The following ADAMTS17 variants were observed in gnomAD, a reference collection of about 807,000 sequenced individuals.
ADAMTS17 encodes the protein ADAM metallopeptidase with thrombospondin type 1 motif 17, also known as A disintegrin and metalloproteinase with thrombospondin motifs 17.
In ADAMTS17, 113 loss-of-function variants were observed where a neutral mutation model predicts 141.5. The ratio of observed to expected loss-of-function variants is 0.80; its 90% confidence interval spans 0.69 to 0.93. The LOEUF (loss-of-function observed/expected upper bound fraction) is 0.93. Among genes scored for constraint, ADAMTS17 ranks in the 40% least tolerant of loss-of-function variants. ADAMTS17 has a pLI of 0.00. For synonymous variants in ADAMTS17, 768 were observed against 630.6 expected (o/e 1.22, Z -3.27); for missense variants, 1,659 against 1,517.9 (o/e 1.09, Z -1.54).
intron 3 of ADAMTS17, among the ~76,000 whole-genome samples, chr15:100,301,966 A>G (rs970201278): frequency 6.6e-6 from 1 of 152,176 alleles, no homozygotes; most frequent in Non-Finnish European, 1.5e-5. Context: ...TAGCATATAC[A>G]GTTGTTTTCA....
In ADAMTS17 at chr15:100,007,450, C is replaced by T. The variant is rs138385088; in HGVS notation, c.2592-9861G>A. Among the ~76,000 whole-genome samples, 183 of 150,816 alleles carry T rather than the reference C, an allele frequency of 1.2e-3. 1 individual carries two copies. The highest frequency in any genetic ancestry group is 4.0e-3 in the African/African-American group (165 of 41,020). On this transcript the variant is annotated intron_variant, in intron 18 of 21. Coordinates refer to ENST00000268070, the MANE Select transcript of ADAMTS17 (RefSeq NM_139057.4). The stretch of plus-strand genomic sequence containing the variant: ...TTTTTTTGAGACGGAGATGGAGTTT[C>T]GCTGTTGTCACCCAGGCTGGAGTGC...
intron 7 of ADAMTS17, among the ~76,000 whole-genome samples, chr15:100,248,939 C>T (rs1315282254): frequency 6.6e-6 from 1 of 152,018 alleles, no homozygotes; most frequent in Non-Finnish European, 1.5e-5. Context: ...GCTGGCATTA[C>T]AGGTGCCCGC....
chr15:100,228,990 T>C (rs1466553081), intron 7 of ADAMTS17, among the ~76,000 whole-genome samples: 1 of 152,188 alleles, frequency 6.6e-6, no homozygotes, highest in Non-Finnish European at 1.5e-5. Flanking sequence ...AGGGAGCAAA[T>C]TGGATCATTC....
chr15:100,307,741 C>T (rs1207119331), intron 3 of ADAMTS17, among the ~76,000 whole-genome samples: 1 of 152,200 alleles, frequency 6.6e-6, no homozygotes, highest in Non-Finnish European at 1.5e-5. Context: ...CGTGCAGTGC[C>T]AGGTGTGGCT....
At chr15:100,087,584 C>A (rs1488044056) in intron 15 of ADAMTS17, among the ~76,000 whole-genome samples, 1 of 152,144 alleles carries the variant, frequency 6.6e-6, no homozygotes, top group African/African-American at 2.4e-5. Flanking sequence ...AAGCAAAAAT[C>A]CTCATTAAAA....
chr15:100,331,018 T>A lies in ADAMTS17; in HGVS notation c.487A>T (p.Ile163Phe), dbSNP rs2046035692. The change falls in exon 3 of 22, where the codon ATC (isoleucine) becomes TTC (phenylalanine). Residue 163 changes from isoleucine to phenylalanine, a missense_variant. Physicochemically the swap from Ile to Phe is conservative, Grantham distance 21. Transcript: ENST00000268070. ...CCCTGGGAGTTGTTGAGGGGCTGGA[T>A]TAGCACCTGCTCCTGCCCAAGCTGA... is the stretch of plus-strand genomic sequence containing the variant. ...LIQLGQEQVLIQPLNNSQGPF... is the reference protein window; with the variant it reads ...LIQLGQEQVLFQPLNNSQGPF... 1 of 1,613,996 alleles carries A rather than the reference T, an allele frequency of 6.2e-7. No homozygotes were observed.
intron 6 of ADAMTS17, among the ~76,000 whole-genome samples, chr15:100,259,866 CAG>C (rs1190890242): frequency 7.9e-5 from 12 of 152,242 alleles, no homozygotes; most frequent in Middle Eastern, 3.4e-3. Flanking sequence ...TCTTTTGAGA[CAG>C]AGTTTCACTC....
chr15:100,244,033 A>G (rs1169697132), intron 7 of ADAMTS17, among the ~76,000 whole-genome samples: 1 of 152,018 alleles, frequency 6.6e-6, no homozygotes, highest in African/African-American at 2.4e-5. Flanking sequence ...GGTTTAATGG[A>G]CTCACAGTTC....
At chr15:100,219,555 T>G (rs1010750577) in intron 7 of ADAMTS17, among the ~76,000 whole-genome samples, 5 of 152,152 alleles carry the variant, frequency 3.3e-5, no homozygotes, top group African/African-American at 9.7e-5. Context: ...AGATAGGGCT[T>G]CTTCTATCTC....
intron 18 of ADAMTS17, among the ~76,000 whole-genome samples, chr15:100,000,439 G>C (rs1331162448): frequency 1.3e-5 from 2 of 152,224 alleles, no homozygotes; most frequent in African/African-American, 4.8e-5. Context: ...ACATGGCCCA[G>C]ATGTGGCCTG....
At chr15:100,101,266 G>A (rs2036081837) in intron 14 of ADAMTS17, among the ~76,000 whole-genome samples, 1 of 118,874 alleles carries the variant, frequency 8.4e-6, no homozygotes, top group South Asian at 2.6e-4. Context: ...TCTCTCTATG[G>A]CACCATTTTC....
chr15:100,218,145 C>G (rs1344445637), intron 7 of ADAMTS17, among the ~76,000 whole-genome samples: 5 of 152,134 alleles, frequency 3.3e-5, no homozygotes, highest in African/African-American at 1.2e-4. Flanking sequence ...AGGGCTGGGA[C>G]TGCAGGCGTG....
intron 9 of ADAMTS17, 144 bp from the exon 10 acceptor site, chr15:100,152,906 A>T: frequency 1.6e-6 from 1 of 635,420 alleles, no homozygotes; most frequent in Non-Finnish European, 2.1e-6. Flanking sequence ...GGCACTGGAC[A>T]CACAGACTGC....
chr15:100,120,172 C>A (rs2037381511), intron 12 of ADAMTS17, among the ~76,000 whole-genome samples: 1 of 152,206 alleles, frequency 6.6e-6, no homozygotes, highest in African/African-American at 2.4e-5. Flanking sequence ...AGTTCTCCAT[C>A]CAGACAATAA....
At chr15:100,272,813 T>C (rs11247175) in intron 4 of ADAMTS17, among the ~76,000 whole-genome samples, 76,308 of 149,786 alleles carry the variant, frequency 0.51, 20,692 homozygotes, top group African/African-American at 0.68. Context: ...CCACGGAGTG[T>C]ATTATTAGCT....
At chr15:100,232,036 C>T (rs914022089) in intron 7 of ADAMTS17, among the ~76,000 whole-genome samples, 3 of 152,184 alleles carry the variant, frequency 2.0e-5, no homozygotes, top group Admixed American at 6.5e-5. Flanking sequence ...AAATGAATCA[C>T]GGCGACCTTG....
At chr15:99,987,722 C>T (rs2060618639) in intron 20 of ADAMTS17, among the ~76,000 whole-genome samples, 1 of 152,190 alleles carries the variant, frequency 6.6e-6, no homozygotes, top group Non-Finnish European at 1.5e-5. Flanking sequence ...TCCCCACCAC[C>T]ACCCTAGGGA....
intron 15 of ADAMTS17, among the ~76,000 whole-genome samples, chr15:100,090,050 C>T (rs1165169928): frequency 1.3e-5 from 2 of 150,768 alleles, no homozygotes; most frequent in Non-Finnish European, 3.0e-5. Context: ...ATTGTGTTTG[C>T]TCTAGGATTC....
rs182439118 is a variant in ADAMTS17, at chr15:100,323,843, A to G, written c.616+7046T>C. 2.0e-5 allele frequency among the ~76,000 whole-genome samples: 3 copies of G among 152,214 alleles called. No individual in the cohort carries two copies. The East Asian group carries it at 5.8e-4, about 29-fold the overall frequency. ...TGTGAATTTTAAAACATACAAAACA[A>G]TACAGTATGCAGTTTATGACTATAT... On this transcript the variant is annotated intron_variant, in intron 3 of 21. Transcript: ENST00000268070.
Sources: allele counts gnomAD v4.1 joint callset (sites outside exome capture counted in the v4.1 genomes callset), GRCh38; gene constraint gnomAD v4.1.1; transcripts MANE v1.5; gene names NCBI Gene and HGNC (gene_info 2026-07-23, HGNC 2026-07-21).